DNAJC11: variants seen among roughly 807,000 people sequenced by gnomAD.
The protein encoded by DNAJC11 is dnaJ homolog subfamily C member 11.
A neutral mutation model predicts 78.6 loss-of-function variants in DNAJC11; 15 were observed. The observed-to-expected ratio is 0.19, with a 90% confidence interval of 0.13 to 0.29. The LOEUF (loss-of-function observed/expected upper bound fraction) is 0.29, where lower values mean the gene tolerates loss of function less well. DNAJC11 is among the 10% of genes least tolerant of loss of function. DNAJC11 has a pLI of 1.00. For synonymous variants in DNAJC11, 292 were observed against 272.1 expected, an observed-to-expected ratio of 1.07 and a Z score of -0.72; for missense variants, 547 against 709.6, an observed-to-expected ratio of 0.77 and a Z score of 2.60.
intron 3 of DNAJC11, among the ~76,000 whole-genome samples, chr1:6,675,615 A>T (rs1642449657): frequency 6.6e-6 from 1 of 152,004 alleles, no homozygotes; most frequent in African/African-American, 2.4e-5. Flanking sequence ...TAGAGATGCG[A>T]TCTCACTGTG....
At chr1:6,642,536 C>T (rs1397639451) in intron 10 of DNAJC11, among the ~76,000 whole-genome samples, 2 of 152,112 alleles carry the variant, frequency 1.3e-5, no homozygotes, top group Non-Finnish European at 2.9e-5. Flanking sequence ...CCAGAGCTCT[C>T]ATTTACTGAG....
At chr1:6,687,653 G>A (rs774317000) in intron 1 of DNAJC11, among the ~76,000 whole-genome samples, 9 of 152,040 alleles carry the variant, frequency 5.9e-5, no homozygotes, top group African/African-American at 1.7e-4. Flanking sequence ...CACTGTGCCC[G>A]GCCACAGTTC....
intron 4 of DNAJC11, among the ~76,000 whole-genome samples, chr1:6,663,057 C>T (rs911929118): frequency 1.3e-5 from 2 of 152,044 alleles, no homozygotes; most frequent in African/African-American, 2.4e-5. Context: ...CATGCCTGGC[C>T]GATACATCAT....
chr1:6,670,080 A>C (rs2148742509), intron 3 of DNAJC11, among the ~76,000 whole-genome samples: 1 of 152,090 alleles, frequency 6.6e-6, no homozygotes, highest in East Asian at 1.9e-4. Flanking sequence ...CAGCCTCCCA[A>C]GTAGCTGGGA....
intron 10 of DNAJC11, among the ~76,000 whole-genome samples, chr1:6,643,492 G>A (rs918263625): frequency 8.6e-5 from 13 of 151,986 alleles, no homozygotes; most frequent in South Asian, 2.1e-4. Context: ...AGCCAGGATG[G>A]TCTCAATCTC....
At chr1:6,682,579 C>T (rs1261176056) in intron 1 of DNAJC11, among the ~76,000 whole-genome samples, 4 of 152,092 alleles carry the variant, frequency 2.6e-5, no homozygotes, top group Admixed American at 6.6e-5. Flanking sequence ...TAGGTGATGG[C>T]GTGGGTGACC....
intron 12 of DNAJC11, 183 bp from the exon 13 acceptor site, chr1:6,637,687 G>A (rs1406017265): frequency 3.0e-6 from 2 of 661,198 alleles, no homozygotes; most frequent in Non-Finnish European, 5.2e-6. Context: ...CCTAGACCTA[G>A]GGCAGGCAGC....
intron 1 of DNAJC11, among the ~76,000 whole-genome samples, chr1:6,683,309 A>T (rs1344025919): frequency 6.6e-6 from 1 of 152,132 alleles, no homozygotes; most frequent in Admixed American, 6.6e-5. Flanking sequence ...TGGATGCAGG[A>T]TCTGTCACTT....
intron 1 of DNAJC11, among the ~76,000 whole-genome samples, chr1:6,684,034 T>C (rs1461038842): frequency 6.6e-6 from 1 of 152,160 alleles, no homozygotes; most frequent in East Asian, 1.9e-4. Flanking sequence ...TATGTGATGA[T>C]GTAAAAGGGA....
intron 4 of DNAJC11, among the ~76,000 whole-genome samples, chr1:6,663,303 C>T (rs1459956239): frequency 6.6e-6 from 1 of 152,112 alleles, no homozygotes; most frequent in African/African-American, 2.4e-5. Flanking sequence ...CCCCACACCC[C>T]CAAACAAACC....
At chr1:6,637,162 T>C (rs1307545716) in intron 14 of DNAJC11, 36 bp downstream of exon 14, 5 of 1,612,998 alleles carry the variant, frequency 3.1e-6, no homozygotes, top group Non-Finnish European at 4.2e-6. Context: ...TTCAAATCTG[T>C]GAGCACATAG....
At position 6,635,991 on chromosome 1, in the gene DNAJC11, T is replaced by C. The variant is rs1641760369; in HGVS notation, c.1654+126A>G. 4.4e-6 allele frequency: 6 copies of C among 1,350,486 alleles called. No homozygotes were observed. The African/African-American group carries it at 5.9e-5, about 13-fold the overall frequency. The allele number at this position is 1,350,486 out of a possible 1,614,324, so 83.7% of individuals were successfully genotyped here. A position where few individuals can be genotyped will look rare whatever the true frequency, so the allele number is the denominator to read the frequency against. On this transcript the variant is annotated intron_variant, in intron 15 of 15. Coordinates refer to ENST00000377577, the MANE Select transcript of DNAJC11 (RefSeq NM_018198.4). ...GAGTGAATCATGGGTCAAGGGCTAG[T>C]TGGCGTCTCTGCTCCCAGGTGGGCA...
chr1:6,694,974 CAAAAAAA>C (rs869181454), intron 1 of DNAJC11, among the ~76,000 whole-genome samples: 8 of 32,136 alleles, frequency 2.5e-4, no homozygotes, highest in East Asian at 1.2e-3. Flanking sequence ...GACTCCGAAT[CAAAAAAA>C]AAAAAAAAAA....
chr1:6,659,606 A>G (rs570608150), intron 4 of DNAJC11, among the ~76,000 whole-genome samples: 135 of 152,268 alleles, frequency 8.9e-4, no homozygotes, highest in African/African-American at 3.1e-3. Flanking sequence ...CTAAAAACAC[A>G]AAAACATGAG....
intron 4 of DNAJC11, among the ~76,000 whole-genome samples, chr1:6,662,848 C>T (rs1054152466): frequency 2.0e-5 from 3 of 151,872 alleles, no homozygotes; most frequent in Admixed American, 1.3e-4. Flanking sequence ...ACAACCTGCT[C>T]GGGTCCCCTT....
At chr1:6,661,887 T>A (rs1480718210) in intron 4 of DNAJC11, among the ~76,000 whole-genome samples, 1 of 152,216 alleles carries the variant, frequency 6.6e-6, no homozygotes, top group Non-Finnish European at 1.5e-5. Flanking sequence ...CTTACATCTT[T>A]ATGAAAACAT....
Position 6,645,213 on chromosome 1 carries a change from C to A in DNAJC11, c.895-87G>T. The A allele has an allele frequency of 9.5e-7, 1 of 1,053,418 alleles. No individual in the cohort carries two copies. The highest frequency in any genetic ancestry group is 2.4e-5 in the East Asian group (1 of 40,984). The allele number at this position is 1,053,418 out of a possible 1,614,324, so 65.3% of individuals were successfully genotyped here. ...TATCTGCCCTCCCACTAGCTCTGGGCATCTGCTGCACACAGGCCTTTAAGG... is the reference window on the plus strand; with the variant it reads ...TATCTGCCCTCCCACTAGCTCTGGGAATCTGCTGCACACAGGCCTTTAAGG... On this transcript the variant is annotated intron_variant, in intron 8 of 15. Coordinates refer to ENST00000377577, the MANE Select transcript of DNAJC11 (RefSeq NM_018198.4). The surrounding 1 kb of genome is among the most constrained non-coding windows in gnomAD (Gnocchi z 4.1).
chr1:6,658,709 T>G (rs1397067948), intron 4 of DNAJC11, among the ~76,000 whole-genome samples: 1 of 152,254 alleles, frequency 6.6e-6, no homozygotes, highest in Non-Finnish European at 1.5e-5. Flanking sequence ...TCTAAAAACT[T>G]ACTTTATAGA....
At chr1:6,682,073 G>C (rs1171125388) in intron 1 of DNAJC11, among the ~76,000 whole-genome samples, 2 of 145,190 alleles carry the variant, frequency 1.4e-5, no homozygotes, top group Non-Finnish European at 3.0e-5. Context: ...GCGATGTGAG[G>C]ATTGACAGTC....
Sources: allele counts gnomAD v4.1 joint callset (sites outside exome capture counted in the v4.1 genomes callset), GRCh38; gene constraint gnomAD v4.1.1; non-coding constraint Gnocchi (gnomAD v3.1); transcripts MANE v1.5; gene names NCBI Gene and HGNC (gene_info 2026-07-23, HGNC 2026-07-21).